TCF23: variants seen among roughly 807,000 people sequenced by gnomAD.
TCF23 encodes the protein class A basic helix-loop-helix protein 24.
TCF23 carries 7 observed loss-of-function variants against 13.0 expected under a neutral mutation model. The observed-to-expected ratio is 0.54, with a 90% CI of 0.31 to 1.01. TCF23 has a LOEUF of 1.01. Among genes scored for constraint, TCF23 ranks in the 50% least tolerant of loss-of-function variants. The pLI is 0.06. For synonymous variants in TCF23, 122 were observed against 119.5 expected (o/e 1.02, Z -0.14); for missense variants, 257 against 289.8 (o/e 0.89, Z 0.82).
In TCF23 at chr2:27,156,112, A is replaced by C. The variant is rs1672832379; in HGVS notation, c.*3245A>C. On this transcript the variant is annotated 3_prime_UTR_variant, in exon 3 of 3. Coordinates refer to ENST00000296096, the MANE Select transcript of TCF23 (RefSeq NM_175769.3). ...GCCGGGGTCGGGGGTGGATCATCTGAGGTCAGGAGTTCAAGACCAGCCTGA... is the reference window on the plus strand; with the variant it reads ...GCCGGGGTCGGGGGTGGATCATCTGCGGTCAGGAGTTCAAGACCAGCCTGA... 6.6e-6 allele frequency: 1 copy of C among 152,066 alleles called. No homozygotes were observed. Among genetic ancestry groups the C allele is most frequent in the Non-Finnish European group, 1.5e-5 (1 of 68,104 alleles). The allele number at this position is 152,066 out of a possible 1,614,324, so 9.4% of individuals were successfully genotyped here. A position where few individuals can be genotyped will look rare whatever the true frequency, so the allele number is the denominator to read the frequency against.
In TCF23 at chr2:27,150,151, G is replaced by C; in HGVS notation, c.251G>C (p.Arg84Pro). Residue 84 changes from arginine to proline, a missense_variant, in exon 2 of 3, where the codon CGG (arginine) becomes CCG (proline). Physicochemically the swap from Arg to Pro is moderately radical, Grantham distance 103. Transcript: ENST00000296096. This position sits in a 1 kb window ranked among gnomAD's most constrained non-coding sequence, Gnocchi z 4.1. ...RSEASPENAA[R>P]ERSRVRTLRQ... ...GAGGCCAGTCCTGAGAATGCCGCGC[G>C]GGAGCGGAGCCGGGTCAGGACGCTG... 2 of 1,608,658 alleles carry C rather than the reference G, an allele frequency of 1.2e-6. No homozygotes were observed. The highest frequency in any genetic ancestry group is 1.7e-6 in the Non-Finnish European group (2 of 1,179,290).
rs1171881588 is a variant in TCF23 at position 27,149,023 on chromosome 2, C to T, written c.-111C>T. 1.6e-5 allele frequency: 17 copies of T among 1,080,116 alleles called. No homozygotes were observed. Among genetic ancestry groups the T allele is most frequent in the East Asian group, 5.2e-5 (2 of 38,582 alleles). The allele number at this position is 1,080,116 out of a possible 1,614,324, so 66.9% of individuals were successfully genotyped here. On this transcript the variant is annotated 5_prime_UTR_variant, in exon 1 of 3. Coordinates refer to ENST00000296096, the MANE Select transcript of TCF23 (RefSeq NM_175769.3). Reference sequence around the variant, plus strand: ...AGGACTGAGTTGGCGCCAGCTTCCTCGGATGTAGATATTGCTGGCTGGATG... The same window carrying T: ...AGGACTGAGTTGGCGCCAGCTTCCTTGGATGTAGATATTGCTGGCTGGATG...
chr2:27,149,823 A>G (rs1672732169), intron 1 of TCF23: 1 of 673,336 alleles, frequency 1.5e-6, no homozygotes, highest in Admixed American at 2.1e-5. Context: ...CAGATTGGGC[A>G]TGGGACAGGA....
At chr2:27,149,498 C>A (rs768489227) in intron 1 of TCF23, 143 bp downstream of exon 1, 5 of 812,008 alleles carry the variant, frequency 6.2e-6, no homozygotes, top group Non-Finnish European at 9.8e-6. Context: ...GACTCCAAGG[C>A]ATCATGCTTT....
rs1285828744 is a variant in TCF23 at position 27,155,665 on chromosome 2, G to A, written c.*2798G>A. Reference sequence around the variant, plus strand: ...AGGCAGGAGAATTGCTTGAACCTAGGAGGCGGAGGTTGCAGTGAGCCAAGA... The same window carrying A: ...AGGCAGGAGAATTGCTTGAACCTAGAAGGCGGAGGTTGCAGTGAGCCAAGA... On this transcript the variant is annotated 3_prime_UTR_variant, in exon 3 of 3. Coordinates refer to ENST00000296096, the MANE Select transcript of TCF23 (RefSeq NM_175769.3). The A allele has an allele frequency of 6.6e-6, 1 of 151,796 alleles. No homozygotes were observed. Among genetic ancestry groups the A allele is most frequent in the Non-Finnish European group, 1.5e-5 (1 of 68,048 alleles). 9.4% of individuals were successfully genotyped at this position (151,796 alleles called of 1,614,324 possible). A position where few individuals can be genotyped will look rare whatever the true frequency, so the allele number is the denominator to read the frequency against.
At position 27,150,456 on chromosome 2, in the gene TCF23, G is replaced by A; in HGVS notation, c.465+91G>A. 2 of 1,557,392 alleles carry A rather than the reference G, an allele frequency of 1.3e-6. No individual in the cohort carries two copies. The highest frequency in any genetic ancestry group is 1.7e-6 in the Non-Finnish European group (2 of 1,145,002). On this transcript the variant is annotated intron_variant, in intron 2 of 2. Transcript: ENST00000296096. The surrounding 1 kb of genome is among the most constrained non-coding windows in gnomAD (Gnocchi z 4.1). ...GGAATGAGGGGGGACATTGGACTTG[G>A]GCCCCCTGCCCTGTGCAGAACTGAC... is the stretch of plus-strand genomic sequence containing the variant.
In TCF23 at chr2:27,154,572, G is replaced by A. The variant is rs1672808307; in HGVS notation, c.*1705G>A. ...AACATCCCAGCCCCGAGCTGCCTGGGATGTGGGAGAACAGCTGGAATGTGG... is the reference window on the plus strand; with the variant it reads ...AACATCCCAGCCCCGAGCTGCCTGGAATGTGGGAGAACAGCTGGAATGTGG... On this transcript the variant is annotated 3_prime_UTR_variant, in exon 3 of 3. Coordinates refer to ENST00000296096, the MANE Select transcript of TCF23 (RefSeq NM_175769.3). The A allele has an allele frequency of 6.6e-6, 1 of 152,296 alleles. No homozygotes were observed. Among genetic ancestry groups the A allele is most frequent in the Non-Finnish European group, 1.5e-5 (1 of 68,120 alleles). 9.4% of individuals were successfully genotyped at this position (152,296 alleles called of 1,614,324 possible).
intron 2 of TCF23, among the ~76,000 whole-genome samples, chr2:27,151,738 G>C (rs778938229): frequency 6.6e-6 from 1 of 151,694 alleles, no homozygotes; most frequent in Non-Finnish European, 1.5e-5. Flanking sequence ...TGGGCTCAAG[G>C]AATCCTCCCA....
At position 27,153,967 on chromosome 2, in the gene TCF23, C is replaced by T. The variant is rs1302425317; in HGVS notation, c.*1100C>T. ...TTAGAAACCTGCCCTCAAGCAAAAA[C>T]AAGATAGGCCTGCCTTCAACTGCTC... On this transcript the variant is annotated 3_prime_UTR_variant, in exon 3 of 3. Transcript: ENST00000296096. 1 of 152,188 alleles carries T rather than the reference C, an allele frequency of 6.6e-6. No individual in the cohort carries two copies. The highest frequency in any genetic ancestry group is 6.5e-5 in the Admixed American group (1 of 15,274). 9.4% of individuals were successfully genotyped at this position (152,188 alleles called of 1,614,324 possible). A position where few individuals can be genotyped will look rare whatever the true frequency, so the allele number is the denominator to read the frequency against.
At chr2:27,149,465 A>G in intron 1 of TCF23, 110 bp downstream of exon 1, 1 of 1,086,490 alleles carries the variant, frequency 9.2e-7, no homozygotes, top group Non-Finnish European at 1.3e-6. Context: ...TTCCTGCCCA[A>G]GAGAGGGGAC....
Position 27,150,440 on chromosome 2 carries a change from G to A in TCF23, c.465+75G>A, listed in dbSNP as rs982182414. 2.0e-5 allele frequency: 32 copies of A among 1,571,872 alleles called. No homozygotes were observed. Among genetic ancestry groups the A allele is most frequent in the Non-Finnish European group, 2.8e-5 (32 of 1,153,840 alleles). On this transcript the variant is annotated intron_variant, in intron 2 of 2. Coordinates refer to ENST00000296096, the MANE Select transcript of TCF23 (RefSeq NM_175769.3). The surrounding 1 kb of genome is among the most constrained non-coding windows in gnomAD (Gnocchi z 4.1). ...CTTGGAGAAAGGGATTGGAATGAGG[G>A]GGGACATTGGACTTGGGCCCCCTGC...
In TCF23 at chr2:27,155,116, T is replaced by G. The variant is rs1672816885; in HGVS notation, c.*2249T>G. The stretch of plus-strand genomic sequence containing the variant: ...AGGAAGGATGACGCAGGTGGAGGGC[T>G]GCAGGAGGCAGGTCCCATCGCTACA... On this transcript the variant is annotated 3_prime_UTR_variant, in exon 3 of 3. Transcript: ENST00000296096. 6.5e-6 allele frequency: 1 copy of G among 152,802 alleles called. No homozygotes were observed. Among genetic ancestry groups the G allele is most frequent in the Non-Finnish European group, 1.5e-5 (1 of 68,522 alleles). 9.5% of individuals were successfully genotyped at this position (152,802 alleles called of 1,614,324 possible). A position where few individuals can be genotyped will look rare whatever the true frequency, so the allele number is the denominator to read the frequency against.
Position 27,150,066 on chromosome 2 carries a change from G to C in TCF23, c.223-57G>C. 1.9e-6 allele frequency: 3 copies of C among 1,561,170 alleles called. No individual in the cohort carries two copies. Among genetic ancestry groups the C allele is most frequent in the Non-Finnish European group, 2.6e-6 (3 of 1,155,664 alleles). On this transcript the variant is annotated intron_variant, in intron 1 of 2. Transcript: ENST00000296096. The surrounding 1 kb of genome is among the most constrained non-coding windows in gnomAD (Gnocchi z 4.1). ...GAGACCTTGTGCTCAAACGCTCTCA[G>C]AAGTCAGGGCAGTTGGGAGTCCAGG... is the stretch of plus-strand genomic sequence containing the variant.
Position 27,149,024 on chromosome 2 carries a change from G to A in TCF23, c.-110G>A, listed in dbSNP as rs1375136436. On this transcript the variant is annotated 5_prime_UTR_variant, in exon 1 of 3. Coordinates refer to ENST00000296096, the MANE Select transcript of TCF23 (RefSeq NM_175769.3). ...GGACTGAGTTGGCGCCAGCTTCCTC[G>A]GATGTAGATATTGCTGGCTGGATGA... is the stretch of plus-strand genomic sequence containing the variant. 13 of 1,080,004 alleles carry A rather than the reference G, an allele frequency of 1.2e-5. No homozygotes were observed. The highest frequency in any genetic ancestry group is 3.2e-5 in the South Asian group (2 of 61,832). The allele number at this position is 1,080,004 out of a possible 1,614,324, so 66.9% of individuals were successfully genotyped here.
In TCF23 at chr2:27,149,219, G is replaced by T; in HGVS notation, c.86G>T (p.Gly29Val). 1 of 1,559,342 alleles carries T rather than the reference G, an allele frequency of 6.4e-7. No individual in the cohort carries two copies. The highest frequency in any genetic ancestry group is 8.7e-7 in the Non-Finnish European group (1 of 1,151,596). Reference protein sequence around the residue: ...QTQAKARLLPGADRKRSRLSR... With the variant: ...QTQAKARLLPVADRKRSRLSR... ...CAGGCCAAAGCACGGTTGCTGCCAG[G>T]CGCTGACAGGAAGAGGAGCCGCCTC... The change falls in exon 1 of 3, where the codon GGC (glycine) becomes GTC (valine). Residue 29 changes from glycine (G) to valine (V), a missense_variant. Physicochemically the swap from Gly to Val is moderately radical, Grantham distance 109. Coordinates refer to ENST00000296096, the MANE Select transcript of TCF23 (RefSeq NM_175769.3).
At position 27,156,224 on chromosome 2, in the gene TCF23, G is replaced by A. The variant is rs1234163176; in HGVS notation, c.*3357G>A. The A allele has an allele frequency of 2.0e-5, 3 of 151,888 alleles. No homozygotes were observed. The highest frequency in any genetic ancestry group is 6.5e-5 in the Admixed American group (1 of 15,272). 9.4% of individuals were successfully genotyped at this position (151,888 alleles called of 1,614,324 possible). On this transcript the variant is annotated 3_prime_UTR_variant, in exon 3 of 3. Coordinates refer to ENST00000296096, the MANE Select transcript of TCF23 (RefSeq NM_175769.3). ...GCCTATAACCCCAGCTACTTGGGAG[G>A]CTGAGGCAGGAGAATTGCTTGATCC...
chr2:27,151,829 C>CG lies in TCF23; in HGVS notation c.466-855dup, dbSNP rs1248324884. On this transcript the variant is annotated intron_variant, in intron 2 of 2. Transcript: ENST00000296096. ...TTTTTTCTTTTTTTTTTTGTAGAGA[C>CG]GGGGTCTCACTTTGTTCCACAGGCT... is the stretch of plus-strand genomic sequence containing the variant. 3.3e-5 allele frequency among the ~76,000 whole-genome samples: 5 copies of CG among 149,512 alleles called. No homozygotes were observed. In the Admixed American group the frequency reaches 3.4e-4, roughly 10 times the overall value.
At position 27,155,536 on chromosome 2, in the gene TCF23, G is replaced by T. The variant is rs1476565012; in HGVS notation, c.*2669G>T. The T allele has an allele frequency of 6.6e-6, 1 of 151,934 alleles. No homozygotes were observed. Among genetic ancestry groups the T allele is most frequent in the South Asian group, 2.1e-4 (1 of 4,810 alleles). 9.4% of individuals were successfully genotyped at this position (151,934 alleles called of 1,614,324 possible). A position where few individuals can be genotyped will look rare whatever the true frequency, so the allele number is the denominator to read the frequency against. ...GGGCGGATCATGAGGTCAGGAGTTC[G>T]AGACCAGCCTCGCCAACATGATGAA... On this transcript the variant is annotated 3_prime_UTR_variant, in exon 3 of 3. Coordinates refer to ENST00000296096, the MANE Select transcript of TCF23 (RefSeq NM_175769.3).
In TCF23 at chr2:27,150,157, G is replaced by A. The variant is rs767027596; in HGVS notation, c.257G>A (p.Arg86Gln). Reference protein sequence around the residue: ...EASPENAARERSRVRTLRQAF... With the variant: ...EASPENAAREQSRVRTLRQAF... ...AGTCCTGAGAATGCCGCGCGGGAGC[G>A]GAGCCGGGTCAGGACGCTGCGCCAG... The change falls in exon 2 of 3, where the codon CGG becomes CAG. Residue 86 changes from arginine to glutamine, a missense_variant. Arg to Gln is a conservative substitution (Grantham distance 43). Transcript: ENST00000296096. The surrounding 1 kb of genome is among the most constrained non-coding windows in gnomAD (Gnocchi z 4.1). 1.1e-5 allele frequency: 17 copies of A among 1,609,390 alleles called. No homozygotes were observed. The highest frequency in any genetic ancestry group is 8.0e-5 in the African/African-American group (6 of 74,850).
Sources: gnomAD v4.1 joint callset for allele counts (sites outside exome capture counted in the v4.1 genomes callset) on GRCh38, gnomAD v4.1.1 for gene constraint, Gnocchi (gnomAD v3.1) non-coding constraint, MANE v1.5 for transcripts, NCBI Gene and HGNC (gene_info 2026-07-23, HGNC 2026-07-21) for gene names.